The following FGF14 variants were observed in gnomAD, a reference collection of about 807,000 sequenced individuals.
FGF14 encodes fibroblast growth factor 14, also known as fibroblast growth factor homologous factor 4.
In FGF14, 5 loss-of-function variants were observed where a neutral mutation model predicts 25.5. That is an observed-to-expected ratio of 0.20 (90% CI 0.10 to 0.41). The LOEUF is 0.41. Among genes scored for constraint, FGF14 ranks in the 10% least tolerant of loss-of-function variants. The pLI, the probability that FGF14 is intolerant of heterozygous loss-of-function variation, is 1.00. For missense variants in FGF14, 222 were observed against 320.1 expected, an observed-to-expected ratio of 0.69 and a Z score of 2.34; for synonymous variants, 138 against 118.3, an observed-to-expected ratio of 1.17 and a Z score of -1.08.
At chr13:102,308,772 A>AG (rs1223097542) in intron 1 of FGF14, among the ~76,000 whole-genome samples, 2 of 152,078 alleles carry the variant, frequency 1.3e-5, no homozygotes, top group Non-Finnish European at 2.9e-5. Flanking sequence ...CTGCCCTCAC[A>AG]CAAGAGAGTG....
chr13:101,914,097 A>AT (rs948864495), intron 1 of FGF14, among the ~76,000 whole-genome samples: 4 of 151,950 alleles, frequency 2.6e-5, no homozygotes, highest in African/African-American at 7.2e-5. Flanking sequence ...AATAAATATG[A>AT]TTTTTTAAAA....
intron 2 of FGF14, among the ~76,000 whole-genome samples, chr13:101,869,252 C>A (rs928757549): frequency 6.6e-6 from 1 of 152,124 alleles, no homozygotes; most frequent in African/African-American, 2.4e-5. Flanking sequence ...TGAGGTCAGG[C>A]CAGAAGTTAA....
chr13:102,338,726 G>A (rs2056860887), intron 1 of FGF14, among the ~76,000 whole-genome samples: 1 of 152,040 alleles, frequency 6.6e-6, no homozygotes, highest in Admixed American at 6.6e-5. Flanking sequence ...AAAAAAATAA[G>A]AAAAGGGCCA....
chr13:102,293,846 AGT>A (rs1209841805), intron 1 of FGF14: 1 of 152,204 alleles, frequency 6.6e-6, no homozygotes, highest in African/African-American at 2.4e-5. Context: ...CATGCTGAGA[AGT>A]GTTATAACGA....
At chr13:101,755,756 T>C (rs2037605976) in intron 3 of FGF14, among the ~76,000 whole-genome samples, 2 of 152,196 alleles carry the variant, frequency 1.3e-5, no homozygotes, top group Non-Finnish European at 2.9e-5. Context: ...CATGAAGTAA[T>C]TGAATTGCAT....
intron 1 of FGF14, among the ~76,000 whole-genome samples, chr13:101,928,846 A>ATC (rs1566450716): frequency 2.6e-5 from 4 of 151,452 alleles, no homozygotes. Context: ...GAACATGGCT[A>ATC]TCTCTCTTTT....
At chr13:101,974,296 T>A (rs1206350290) in intron 1 of FGF14, among the ~76,000 whole-genome samples, 1 of 152,172 alleles carries the variant, frequency 6.6e-6, no homozygotes, top group African/African-American at 2.4e-5. Flanking sequence ...ATCTTTCAGA[T>A]GAGGATGCTG....
At position 102,109,355 on chromosome 13, in the gene FGF14, G is replaced by A. The variant is rs141703091; in HGVS notation, c.209-234059C>T. On this transcript the variant is annotated intron_variant, in intron 1 of 4. Coordinates refer to the FGF14 transcript ENST00000376131. ...GTTCAACATATCCATTGTAAAGCAT[G>A]ACTGTAGTAATAACAACGTTTTGTA... is the stretch of plus-strand genomic sequence containing the variant. 1.9e-3 allele frequency among the ~76,000 whole-genome samples: 294 copies of A among 152,224 alleles called. 3 individuals are homozygous for A. The highest frequency in any genetic ancestry group is 6.8e-3 in the African/African-American group (284 of 41,526).
intron 1 of FGF14, among the ~76,000 whole-genome samples, chr13:102,318,095 G>T (rs1182365152): frequency 6.6e-6 from 1 of 152,188 alleles, no homozygotes; most frequent in African/African-American, 2.4e-5. Flanking sequence ...TTCAGTAAAT[G>T]GAGGGAGTTG....
intron 1 of FGF14, among the ~76,000 whole-genome samples, chr13:102,215,893 G>A (rs1231197595): frequency 2.0e-5 from 3 of 152,106 alleles, no homozygotes; most frequent in Non-Finnish European, 4.4e-5. Flanking sequence ...GATGAGTAGC[G>A]GTTGACTTTG....
intron 1 of FGF14, among the ~76,000 whole-genome samples, chr13:101,951,478 T>C (rs1337630988): frequency 6.6e-6 from 1 of 152,136 alleles, no homozygotes; most frequent in Non-Finnish European, 1.5e-5. Flanking sequence ...AGCAAGTCAT[T>C]GATTATATTA....
intron 3 of FGF14, among the ~76,000 whole-genome samples, chr13:101,774,888 A>C (rs1222589870): frequency 6.6e-5 from 10 of 151,512 alleles, no homozygotes; most frequent in African/African-American, 2.4e-4. Flanking sequence ...CCGTGTCTCT[A>C]CTAAAAATAC....
intron 1 of FGF14, among the ~76,000 whole-genome samples, chr13:102,278,943 T>C (rs1031860790): frequency 2.0e-5 from 3 of 152,134 alleles, no homozygotes; most frequent in Admixed American, 6.6e-5. Flanking sequence ...TTGCGACTTA[T>C]ATATACCAGC....
intron 1 of FGF14, among the ~76,000 whole-genome samples, chr13:102,119,864 G>C (rs1447072900): frequency 1.3e-5 from 2 of 152,160 alleles, no homozygotes; most frequent in African/African-American, 4.8e-5. Context: ...AAAGTACAGA[G>C]AGCAGGATCC....
rs1334501668 is a variant in FGF14, at chr13:101,717,390, G to A, written c.*5441C>T. On this transcript the variant is annotated 3_prime_UTR_variant, in exon 5 of 5. Coordinates refer to ENST00000376143, the MANE Select transcript of FGF14 (RefSeq NM_004115.4). ...GTACGTAAATTGATAGATCTCTTCC[G>A]TAAAATGAGGGAAATATAAGTAGTC... is the stretch of plus-strand genomic sequence containing the variant. The A allele has an allele frequency of 2.6e-5, 4 of 151,974 alleles. No homozygotes were observed. Among genetic ancestry groups the A allele is most frequent in the African/African-American group, 9.7e-5 (4 of 41,372 alleles). 9.4% of individuals were successfully genotyped at this position (151,974 alleles called of 1,614,324 possible). A position where few individuals can be genotyped will look rare whatever the true frequency, so the allele number is the denominator to read the frequency against.
chr13:102,235,622 A>C (rs998531112), intron 1 of FGF14, among the ~76,000 whole-genome samples: 2 of 152,184 alleles, frequency 1.3e-5, no homozygotes, highest in Non-Finnish European at 2.9e-5. Context: ...AGGGAAGAAA[A>C]TTTGTTTATT....
rs1003522096 is a variant in FGF14, at chr13:101,721,001, T to C, written c.*1830A>G. On this transcript the variant is annotated 3_prime_UTR_variant, in exon 5 of 5. Coordinates refer to ENST00000376143, the MANE Select transcript of FGF14 (RefSeq NM_004115.4). ...GGCAAGGGCTGTCATGAAGAAGATT[T>C]ATGAAAGCAGTGACAAAATAATTTC... is the stretch of plus-strand genomic sequence containing the variant. 2 of 152,104 alleles carry C rather than the reference T, an allele frequency of 1.3e-5. No homozygotes were observed. Among genetic ancestry groups the C allele is most frequent in the African/African-American group, 4.8e-5 (2 of 41,440 alleles). The allele number at this position is 152,104 out of a possible 1,614,324, so 9.4% of individuals were successfully genotyped here. A position where few individuals can be genotyped will look rare whatever the true frequency, so the allele number is the denominator to read the frequency against.
At chr13:102,347,152 G>A (rs560315213) in intron 1 of FGF14, among the ~76,000 whole-genome samples, 3 of 152,150 alleles carry the variant, frequency 2.0e-5, no homozygotes, top group Admixed American at 2.0e-4. Flanking sequence ...AGCTGGGTTC[G>A]TTAGTGTTAT....
At chr13:102,082,248 A>C (rs1032558748) in intron 1 of FGF14, among the ~76,000 whole-genome samples, 8 of 152,184 alleles carry the variant, frequency 5.3e-5, no homozygotes, top group Middle Eastern at 3.4e-3. Flanking sequence ...AAAAAAAAAA[A>C]AAAACAGTGT....
Sources: allele counts gnomAD v4.1 joint callset (sites outside exome capture counted in the v4.1 genomes callset), GRCh38; gene constraint gnomAD v4.1.1; transcripts MANE v1.5; gene names NCBI Gene and HGNC (gene_info 2026-07-23, HGNC 2026-07-21).